Variants in XXYLT1 observed in about 807,000 individuals in gnomAD.
XXYLT1 encodes UDP-xylose:alpha-xyloside alpha-1,3-xylosyltransferase.
A neutral mutation model predicts 28.9 loss-of-function variants in XXYLT1; 20 were observed. The ratio of observed to expected loss-of-function variants is 0.69; its 90% CI spans 0.49 to 1.00. The LOEUF is 1.00. Among genes scored for constraint, XXYLT1 ranks in the 50% least tolerant of loss-of-function variants. XXYLT1 has a pLI of 0.00. For missense variants in XXYLT1, 542 were observed against 560.1 expected, an observed-to-expected ratio of 0.97 and a Z score of 0.33; for synonymous variants, 257 against 253.8, an observed-to-expected ratio of 1.01 and a Z score of -0.12.
intron 2 of XXYLT1, among the ~76,000 whole-genome samples, chr3:195,158,390 G>A (rs1052510417): frequency 1.4e-4 from 21 of 152,198 alleles, no homozygotes; most frequent in African/African-American, 3.6e-4. Flanking sequence ...ACCATCAGAC[G>A]CTTCTGGATG....
At chr3:195,080,315 G>A (rs73074254) in intron 3 of XXYLT1, among the ~76,000 whole-genome samples, 24,309 of 152,136 alleles carry the variant, frequency 0.16, 2,400 homozygotes, top group East Asian at 0.32. Flanking sequence ...CGCTGGCCCT[G>A]GAAGGCACCC....
intron 3 of XXYLT1, among the ~76,000 whole-genome samples, chr3:195,118,479 G>T (rs1438530761): frequency 1.3e-5 from 2 of 152,248 alleles, no homozygotes; most frequent in Non-Finnish European, 2.9e-5. Context: ...ATGCAGGAAA[G>T]GCTGCACAGG....
At chr3:195,126,186 G>A (rs533734087) in intron 3 of XXYLT1, among the ~76,000 whole-genome samples, 3 of 152,306 alleles carry the variant, frequency 2.0e-5, no homozygotes, top group South Asian at 2.1e-4. Context: ...AGGTGAGGTC[G>A]AGAGGCCCAC....
At chr3:195,144,871 A>C (rs1262950810) in intron 3 of XXYLT1, among the ~76,000 whole-genome samples, 2 of 152,136 alleles carry the variant, frequency 1.3e-5, no homozygotes, top group Admixed American at 6.5e-5. Context: ...ACCCCTCCTA[A>C]ACCCTGCCAA....
intron 3 of XXYLT1, among the ~76,000 whole-genome samples, chr3:195,117,474 AC>A (rs1475470701): frequency 1.3e-5 from 2 of 152,222 alleles, no homozygotes; most frequent in African/African-American, 4.8e-5. Context: ...TTTTTATAAA[AC>A]AATTTTTAAA....
intron 2 of XXYLT1, among the ~76,000 whole-genome samples, chr3:195,188,283 C>G (rs1469551320): frequency 6.6e-6 from 1 of 152,206 alleles, no homozygotes; most frequent in East Asian, 1.9e-4. Context: ...AGAGGTAGGG[C>G]TCAAACACGG....
At chr3:195,172,300 A>T (rs1056667129) in intron 2 of XXYLT1, among the ~76,000 whole-genome samples, 1 of 152,164 alleles carries the variant, frequency 6.6e-6, no homozygotes, top group African/African-American at 2.4e-5. Context: ...CAGAAACAAG[A>T]TGCTGCTCGA....
At chr3:195,205,611 C>T (rs1032267677) in intron 2 of XXYLT1, among the ~76,000 whole-genome samples, 5 of 152,142 alleles carry the variant, frequency 3.3e-5, no homozygotes, top group African/African-American at 1.2e-4. Flanking sequence ...GCCTGGAATC[C>T]CAGCACTGTG....
chr3:195,252,717 CACACACACACAGAGAG>C (rs1413136187), intron 1 of XXYLT1, among the ~76,000 whole-genome samples: 9 of 139,492 alleles, frequency 6.5e-5, no homozygotes, highest in African/African-American at 2.8e-4. Flanking sequence ...CACACACACA[CACACACACACAGAGAG>C]AGAGAGAGAG....
At chr3:195,200,847 C>T (rs1365780097) in intron 2 of XXYLT1, among the ~76,000 whole-genome samples, 6 of 152,112 alleles carry the variant, frequency 3.9e-5, no homozygotes, top group African/African-American at 1.4e-4. Context: ...CTCACGGGTC[C>T]GCTGGCTCCA....
At chr3:195,156,301 G>A in intron 3 of XXYLT1, 148 bp downstream of exon 3, 1 of 1,357,796 alleles carries the variant, frequency 7.4e-7, no homozygotes, top group Non-Finnish European at 9.9e-7. Flanking sequence ...ACAATCAACT[G>A]TAAGCAATAA....
chr3:195,183,055 C>T (rs1395806545), intron 2 of XXYLT1, among the ~76,000 whole-genome samples: 1 of 152,104 alleles, frequency 6.6e-6, no homozygotes, highest in South Asian at 2.1e-4. Context: ...AGTCAAGAAA[C>T]GGAAGCTCGG....
At chr3:195,114,265 C>T (rs1717929952) in intron 3 of XXYLT1, among the ~76,000 whole-genome samples, 1 of 152,228 alleles carries the variant, frequency 6.6e-6, no homozygotes, top group African/African-American at 2.4e-5. Flanking sequence ...AAGCCCTGAA[C>T]TCAGCTGCCC....
chr3:195,224,752 C>T (rs114044674), intron 2 of XXYLT1, among the ~76,000 whole-genome samples: 3,901 of 152,246 alleles, frequency 0.026, 58 homozygotes, highest in Middle Eastern at 0.11. Flanking sequence ...AAACCCCTAG[C>T]GGGGATTCCT....
At chr3:195,137,407 G>T (rs1462232880) in intron 3 of XXYLT1, among the ~76,000 whole-genome samples, 1 of 152,220 alleles carries the variant, frequency 6.6e-6, no homozygotes, top group African/African-American at 2.4e-5. Context: ...TTTCGGCACT[G>T]GTCTTCTGCA....
At chr3:195,158,231 G>GGCT (rs1273696808) in intron 2 of XXYLT1, among the ~76,000 whole-genome samples, 4 of 152,102 alleles carry the variant, frequency 2.6e-5, no homozygotes, top group Non-Finnish European at 5.9e-5. Context: ...CCCCAGACAG[G>GGCT]CCCTGCAGGA....
At chr3:195,090,765 T>C (rs1418588766) in intron 3 of XXYLT1, among the ~76,000 whole-genome samples, 6 of 147,064 alleles carry the variant, frequency 4.1e-5, no homozygotes, top group Admixed American at 1.3e-4. Flanking sequence ...ATCAACAAAA[T>C]TGATAGACCA....
At position 195,129,215 on chromosome 3, in the gene XXYLT1, C is replaced by CCTCT. The variant is rs557463780; in HGVS notation, c.785+27230_785+27233dup. ...ACGGCAGCCATTTACAACCTCCTGCCCTCTCTCTCTCTCTTTTTTTGGTAA... is the reference window on the plus strand; with the variant it reads ...ACGGCAGCCATTTACAACCTCCTGCCCTCTCTCTCTCTCTCTCTTTTTTTGGTAA... On this transcript the variant is annotated intron_variant, in intron 3 of 3. Coordinates refer to ENST00000310380, the MANE Select transcript of XXYLT1 (RefSeq NM_152531.5). This position sits in a 1 kb window ranked among gnomAD's most constrained non-coding sequence, Gnocchi z 4.4. 6.6e-6 allele frequency among the ~76,000 whole-genome samples: 1 copy of CCTCT among 151,576 alleles called. No individual in the cohort carries two copies. Among genetic ancestry groups the CCTCT allele is most frequent in the Admixed American group, 6.6e-5 (1 of 15,224 alleles).
chr3:195,101,172 C>T (rs1405112097), intron 3 of XXYLT1, among the ~76,000 whole-genome samples: 3 of 152,272 alleles, frequency 2.0e-5, no homozygotes, highest in African/African-American at 4.8e-5. Context: ...CCTTCAGAGC[C>T]GCCAGGCCTC....
Sources: gnomAD v4.1 joint callset for allele counts (sites outside exome capture counted in the v4.1 genomes callset) on GRCh38, gnomAD v4.1.1 for gene constraint, Gnocchi (gnomAD v3.1) non-coding constraint, MANE v1.5 for transcripts, NCBI Gene and HGNC (gene_info 2026-07-23, HGNC 2026-07-21) for gene names.